The following GALNT11 variants were observed in gnomAD, a reference collection of about 807,000 sequenced individuals.
GALNT11 encodes polypeptide N-acetylgalactosaminyltransferase 11, also known as UDP-GalNAc:polypeptide N-acetylgalactosaminyltransferase 11.
In GALNT11, 47 loss-of-function variants were observed where a neutral mutation model predicts 72.7. That is an observed-to-expected ratio of 0.65 (90% CI 0.51 to 0.82). GALNT11 has a LOEUF of 0.82. Ranked by LOEUF, GALNT11 falls within the 40% of genes least tolerant of loss-of-function variation. GALNT11 has a pLI of 0.00. For missense variants in GALNT11, 677 were observed against 778.4 expected, an observed-to-expected ratio of 0.87 and a Z score of 1.55; for synonymous variants, 270 against 286.6, an observed-to-expected ratio of 0.94 and a Z score of 0.58.
Position 152,121,648 on chromosome 7 carries a change from T to C in GALNT11, c.1798T>C (p.Ser600Pro). 6.2e-7 allele frequency: 1 copy of C among 1,614,212 alleles called. No homozygotes were observed. Among genetic ancestry groups the C allele is most frequent in the East Asian group, 2.2e-5 (1 of 44,890 alleles). ...CGCCATGGCGATCTGCGATGGCTCC[T>C]CTTCACAGCAGTGGCATTTGGAAGG... Reference protein sequence around the residue: ...SVAMAICDGSSSQQWHLEG With the variant: ...SVAMAICDGSPSQQWHLEG The change falls in exon 12 of 12, where the codon TCT (serine) becomes CCT (proline). Residue 600 changes from serine (S) to proline (P), a missense_variant. Physicochemically the swap from Ser to Pro is moderately conservative, Grantham distance 74 (BLOSUM62 -1). Transcript: ENST00000430044.
intron 5 of GALNT11, chr7:152,107,832 C>G: frequency 1.8e-6 from 1 of 543,882 alleles, no homozygotes; most frequent in Non-Finnish European, 3.3e-6. Context: ...TCAATCACAG[C>G]AGGACACTGC....
At chr7:152,101,470 A>G (rs1006977981) in intron 3 of GALNT11, among the ~76,000 whole-genome samples, 1 of 152,082 alleles carries the variant, frequency 6.6e-6, no homozygotes, top group Middle Eastern at 3.4e-3. Flanking sequence ...AAGTCCTTAC[A>G]TGAGTAAGGG....
intron 1 of GALNT11, among the ~76,000 whole-genome samples, chr7:152,072,192 G>T (rs956445803): frequency 6.7e-6 from 1 of 150,138 alleles, no homozygotes; most frequent in African/African-American, 2.5e-5. Flanking sequence ...GTTGGCGCAC[G>T]TCTGTTGTCC....
intron 2 of GALNT11, among the ~76,000 whole-genome samples, chr7:152,096,044 A>ATTTAG (rs1423010727): frequency 6.6e-6 from 1 of 152,210 alleles, no homozygotes; most frequent in Non-Finnish European, 1.5e-5. Flanking sequence ...GTCATAAAAC[A>ATTTAG]CTTAAGAATA....
At chr7:152,120,438 G>A (rs1203331971) in intron 10 of GALNT11, 2 of 195,972 alleles carry the variant, frequency 1.0e-5, no homozygotes, top group Non-Finnish European at 2.1e-5. Context: ...TGACTGCCCC[G>A]ATGAGGCATC....
chr7:152,059,316 G>A (rs1460740103), intron 1 of GALNT11, among the ~76,000 whole-genome samples: 2 of 151,412 alleles, frequency 1.3e-5, no homozygotes, highest in African/African-American at 4.9e-5. Context: ...TGTCCAAGCT[G>A]GTCTTGAACT....
intron 1 of GALNT11, among the ~76,000 whole-genome samples, chr7:152,079,899 A>C (rs2085218122): frequency 6.6e-6 from 1 of 152,220 alleles, no homozygotes; most frequent in South Asian, 2.1e-4. Context: ...GCTGTTTGAC[A>C]ATTTGTAATG....
chr7:152,077,903 A>G (rs905217897), intron 1 of GALNT11, among the ~76,000 whole-genome samples: 4 of 152,086 alleles, frequency 2.6e-5, no homozygotes, highest in African/African-American at 9.7e-5. Context: ...AAAGTTGAAT[A>G]AAAACATTTC....
intron 1 of GALNT11, among the ~76,000 whole-genome samples, chr7:152,068,314 T>C (rs147329635): frequency 5.9e-5 from 9 of 152,352 alleles, no homozygotes; most frequent in African/African-American, 2.2e-4. Flanking sequence ...TTTAGCAATA[T>C]GCATTTCAGT....
intron 4 of GALNT11, 119 bp downstream of exon 4, chr7:152,103,397 C>A: frequency 2.1e-6 from 2 of 942,920 alleles, no homozygotes; most frequent in South Asian, 1.9e-5. Flanking sequence ...CACGTGCAGT[C>A]ACAGCTGGGC....
chr7:152,031,303 C>G (rs1225980570), intron 1 of GALNT11, among the ~76,000 whole-genome samples: 1 of 152,230 alleles, frequency 6.6e-6, no homozygotes, highest in African/African-American at 2.4e-5. Context: ...AAGAGGTCAT[C>G]TCAGGCAGCA....
At chr7:152,102,351 G>T (rs1259172745) in intron 3 of GALNT11, among the ~76,000 whole-genome samples, 2 of 151,982 alleles carry the variant, frequency 1.3e-5, no homozygotes, top group Admixed American at 1.3e-4. Context: ...AGACCATCCT[G>T]GCCAATGTGG....
intron 1 of GALNT11, among the ~76,000 whole-genome samples, chr7:152,052,641 A>G (rs187644387): frequency 6.6e-6 from 1 of 152,140 alleles, no homozygotes; most frequent in East Asian, 1.9e-4. Context: ...AGACCCTCTT[A>G]TTCTTCTGCT....
At chr7:152,054,132 G>C (rs963162716) in intron 1 of GALNT11, among the ~76,000 whole-genome samples, 1 of 151,230 alleles carries the variant, frequency 6.6e-6, no homozygotes, top group African/African-American at 2.4e-5. Flanking sequence ...TTCTATTTTT[G>C]TCCTTTTGCT....
intron 1 of GALNT11, among the ~76,000 whole-genome samples, chr7:152,054,564 G>A (rs890170530): frequency 7.0e-6 from 1 of 143,198 alleles, no homozygotes; most frequent in Non-Finnish European, 1.5e-5. Flanking sequence ...CAGAAGTGGT[G>A]CAGTGGCTAT....
chr7:152,113,478 T>C, intron 8 of GALNT11, 80 bp downstream of exon 8: 1 of 1,503,236 alleles, frequency 6.7e-7, no homozygotes, highest in Non-Finnish European at 9.1e-7. Context: ...GTTGCTTACT[T>C]TTCACTCTGG....
chr7:152,111,618 G>C (rs1320996424), intron 7 of GALNT11, among the ~76,000 whole-genome samples: 2 of 146,202 alleles, frequency 1.4e-5, no homozygotes, highest in East Asian at 3.9e-4. Flanking sequence ...ATTCCACTCT[G>C]TGTGTGTGTG....
chr7:152,109,251 T>C (rs1169991642), intron 6 of GALNT11, among the ~76,000 whole-genome samples: 1 of 152,248 alleles, frequency 6.6e-6, no homozygotes, highest in East Asian at 1.9e-4. Context: ...TGTTTCACCA[T>C]TGTTTTGAAG....
intron 1 of GALNT11, among the ~76,000 whole-genome samples, chr7:152,091,027 T>C (rs2085988954): frequency 6.6e-6 from 1 of 151,798 alleles, no homozygotes. Flanking sequence ...GGGTTGTGGT[T>C]GGAGAGGGAG....
Sources: allele counts gnomAD v4.1 joint callset (sites outside exome capture counted in the v4.1 genomes callset), GRCh38; gene constraint gnomAD v4.1.1; transcripts MANE v1.5; gene names NCBI Gene and HGNC (gene_info 2026-07-23, HGNC 2026-07-21).